The following ZNF616 variants were observed in gnomAD, a reference collection of about 807,000 sequenced individuals.
ZNF616 encodes the protein zinc finger protein 616.
In ZNF616, 5 loss-of-function variants were observed where a neutral mutation model predicts 7.6. That is an observed-to-expected ratio of 0.66 (90% CI 0.34 to 1.38). The LOEUF (loss-of-function observed/expected upper bound fraction) is 1.38. Among genes scored for constraint, ZNF616 ranks in the 40% most tolerant of loss-of-function variants. ZNF616 has a pLI of 0.04. For missense variants in ZNF616, 913 were observed against 948.3 expected, an observed-to-expected ratio of 0.96 and a Z score of 0.49; for synonymous variants, 319 against 317.2, an observed-to-expected ratio of 1.01 and a Z score of -0.06.
At chr19:52,132,908 C>T (rs911142528) in intron 1 of ZNF616, among the ~76,000 whole-genome samples, 18 of 152,168 alleles carry the variant, frequency 1.2e-4, no homozygotes, top group African/African-American at 4.3e-4. Flanking sequence ...GGTTCAAGGA[C>T]TAAGCCATGA....
rs2088949682 is a variant in ZNF616, at chr19:52,130,586, A to C, written c.-74T>G. On this transcript the variant is annotated splice_region_variant and 5_prime_UTR_variant, in exon 2 of 4. Transcript: ENST00000600228. ...AGTCAATGTAATTATTCACACATCAAACCTGAAAGTTAAAAAATCTGTTGT... is the reference window on the plus strand; with the variant it reads ...AGTCAATGTAATTATTCACACATCACACCTGAAAGTTAAAAAATCTGTTGT... 6.4e-7 allele frequency: 1 copy of C among 1,561,140 alleles called. No individual in the cohort carries two copies. The highest frequency in any genetic ancestry group is 1.4e-5 in the African/African-American group (1 of 72,784).
intron 3 of ZNF616, among the ~76,000 whole-genome samples, chr19:52,120,802 C>T (rs1461474197): frequency 6.6e-6 from 1 of 151,944 alleles, no homozygotes; most frequent in Non-Finnish European, 1.5e-5. Flanking sequence ...TATTAGAGAT[C>T]CTTAATATAT....
At chr19:52,128,090 C>A (rs1438759774) in intron 2 of ZNF616, among the ~76,000 whole-genome samples, 5 of 151,760 alleles carry the variant, frequency 3.3e-5, no homozygotes, top group East Asian at 1.9e-4. Flanking sequence ...TGGTGCATTT[C>A]CTATTTTCCT....
At chr19:52,134,294 CAT>C (rs1483886809) in intron 1 of ZNF616, among the ~76,000 whole-genome samples, 3 of 152,260 alleles carry the variant, frequency 2.0e-5, no homozygotes, top group South Asian at 2.1e-4. Context: ...GCACATCTCA[CAT>C]GAGTGTGAAA....
chr19:52,120,279 G>A (rs896144159), intron 3 of ZNF616, among the ~76,000 whole-genome samples: 2 of 152,140 alleles, frequency 1.3e-5, no homozygotes, highest in Non-Finnish European at 2.9e-5. Flanking sequence ...TAAATCTAAA[G>A]TGTTTTCTGT....
intron 2 of ZNF616, 102 bp from the exon 3 acceptor site, chr19:52,124,151 A>C: frequency 7.0e-7 from 1 of 1,428,606 alleles, no homozygotes; most frequent in Non-Finnish European, 9.4e-7. Flanking sequence ...GTGTGTTTTG[A>C]CATATCTATA....
At position 52,115,493 on chromosome 19, in the gene ZNF616, G is replaced by A; in HGVS notation, c.1671C>T (p.Val557=). Residue 557 remains valine (V), a synonymous_variant, in exon 4 of 4, where the codon GTC becomes GTT. Transcript: ENST00000600228. ...CTGTAAGACGTGAACATTGACTGAA[G>A]ACCTTGCCACATTCTTTGCATTTGT... ...KPYKCKECGK[V]FSQCSRLTVH... is the part of the protein sequence containing the mutation. 6.2e-7 allele frequency: 1 copy of A among 1,614,054 alleles called. No homozygotes were observed. Among genetic ancestry groups the A allele is most frequent in the Non-Finnish European group, 8.5e-7 (1 of 1,180,004 alleles).
rs148566131 is a variant in ZNF616 at position 52,116,576 on chromosome 19, C to T, written c.588G>A (p.Ala196=). ...TCTGATGATTAATAAGGCTGGAAGA[C>T]GCTTTAAAGGCTTTGCCACATTCAT... ...VCNECGKAFK[A]SSSLINHQRI... Residue 196 remains alanine (A), a synonymous_variant, in exon 4 of 4, where the codon GCG becomes GCA. Coordinates refer to ENST00000600228, the MANE Select transcript of ZNF616 (RefSeq NM_178523.5). The T allele has an allele frequency of 7.4e-5, 120 of 1,613,870 alleles. No individual in the cohort carries two copies. Among genetic ancestry groups the T allele is most frequent in the Middle Eastern group, 1.6e-4 (1 of 6,078 alleles).
Position 52,130,597 on chromosome 19 carries a change from T to TA in ZNF616, c.-76-10dup. 4 of 1,548,712 alleles carry TA rather than the reference T, an allele frequency of 2.6e-6. No homozygotes were observed. Among genetic ancestry groups the TA allele is most frequent in the Non-Finnish European group, 3.5e-6 (4 of 1,150,634 alleles). On this transcript the variant is annotated splice_polypyrimidine_tract_variant and intron_variant, in intron 1 of 3. Transcript: ENST00000600228. ...TTATTCACACATCAAACCTGAAAGT[T>TA]AAAAAATCTGTTGTTTAATGCTTGG...
At chr19:52,129,657 T>C (rs534525423) in intron 2 of ZNF616, among the ~76,000 whole-genome samples, 1 of 152,344 alleles carries the variant, frequency 6.6e-6, no homozygotes, top group East Asian at 1.9e-4. Context: ...CACGCTCTAA[T>C]GTCTGTATCT....
chr19:52,127,923 A>G (rs1343903631), intron 2 of ZNF616, among the ~76,000 whole-genome samples: 1 of 152,222 alleles, frequency 6.6e-6, no homozygotes, highest in Admixed American at 6.5e-5. Context: ...TCATAATGAC[A>G]CGTAAATGCA....
Position 52,139,628 on chromosome 19 carries a change from T to C in ZNF616, c.-77+104A>G, listed in dbSNP as rs1387016868. 1 of 152,076 alleles carries C rather than the reference T, an allele frequency of 6.6e-6. No individual in the cohort carries two copies. The highest frequency in any genetic ancestry group is 2.4e-5 in the African/African-American group (1 of 41,360). 9.4% of individuals were successfully genotyped at this position (152,076 alleles called of 1,614,324 possible). A position where few individuals can be genotyped will look rare whatever the true frequency, so the allele number is the denominator to read the frequency against. On this transcript the variant is annotated intron_variant, in intron 1 of 3. Coordinates refer to ENST00000600228, the MANE Select transcript of ZNF616 (RefSeq NM_178523.5). This position sits in a 1 kb window ranked among gnomAD's most constrained non-coding sequence, Gnocchi z 4.1. ...GAGAGTTTTAAGCAGGAACACGACC[T>C]GAATGGGGTTATCGACATGGTTATC...
chr19:52,130,682 A>G (rs2088950697), intron 1 of ZNF616, 94 bp from the exon 2 acceptor site: 1 of 866,248 alleles, frequency 1.2e-6, no homozygotes, highest in African/African-American at 1.7e-5. Flanking sequence ...CAGCCTGTGG[A>G]GAGACAGCCC....
intron 1 of ZNF616, among the ~76,000 whole-genome samples, chr19:52,132,679 C>T (rs2088971193): frequency 6.6e-6 from 1 of 152,170 alleles, no homozygotes; most frequent in Non-Finnish European, 1.5e-5. Context: ...CGCCTGCTAC[C>T]ATGTTTGGAA....
rs2088816585 is a variant in ZNF616, at chr19:52,115,891, C to T, written c.1273G>A (p.Ala425Thr). ...GKVFSKRSSL[A>T]VHQRIHTGQK... is the part of the protein sequence containing the mutation. ...CCAGTATGAATTCTCTGATGCACTG[C>T]AAGACTTGAACGTTTACTGAAGACC... Residue 425 changes from alanine to threonine, a missense_variant, in exon 4 of 4, where the codon GCA becomes ACA. Coordinates refer to ENST00000600228, the MANE Select transcript of ZNF616 (RefSeq NM_178523.5). 5 of 1,614,112 alleles carry T rather than the reference C, an allele frequency of 3.1e-6. No homozygotes were observed. Among genetic ancestry groups the T allele is most frequent in the Non-Finnish European group, 4.2e-6 (5 of 1,180,006 alleles).
chr19:52,118,250 T>G (rs2088841655), intron 3 of ZNF616, among the ~76,000 whole-genome samples: 1 of 152,190 alleles, frequency 6.6e-6, no homozygotes, highest in African/African-American at 2.4e-5. Flanking sequence ...CACCTGGTCC[T>G]ATTCATTGCC....
At chr19:52,126,037 G>C (rs2088904310) in intron 2 of ZNF616, among the ~76,000 whole-genome samples, 1 of 152,148 alleles carries the variant, frequency 6.6e-6, no homozygotes, top group Non-Finnish European at 1.5e-5. Context: ...TAGGGTAGTT[G>C]ATTGGAATGT....
In ZNF616 at chr19:52,113,363, A is replaced by C. The variant is rs2088787587; in HGVS notation, c.*1455T>G. ...ATAATTTGGTAAAGGCTGAAGACAC[A>C]CTACTGCTTCCAGGTCCTTTCATGT... On this transcript the variant is annotated 3_prime_UTR_variant, in exon 4 of 4. Transcript: ENST00000600228. The C allele has an allele frequency of 6.6e-6, 1 of 152,194 alleles. No individual in the cohort carries two copies. The highest frequency in any genetic ancestry group is 1.5e-5 in the Non-Finnish European group (1 of 68,038). The allele number at this position is 152,194 out of a possible 1,614,324, so 9.4% of individuals were successfully genotyped here.
chr19:52,131,014 A>T (rs1262799206), intron 1 of ZNF616, among the ~76,000 whole-genome samples: 1 of 152,196 alleles, frequency 6.6e-6, no homozygotes, highest in Non-Finnish European at 1.5e-5. Context: ...CATGCCTGTA[A>T]TCCCAGCACT....
Sources: gnomAD v4.1 joint callset for allele counts (sites outside exome capture counted in the v4.1 genomes callset) on GRCh38, gnomAD v4.1.1 for gene constraint, Gnocchi (gnomAD v3.1) non-coding constraint, MANE v1.5 for transcripts, NCBI Gene and HGNC (gene_info 2026-07-23, HGNC 2026-07-21) for gene names.